LRRC75A: variants seen among roughly 807,000 people sequenced by gnomAD.
The protein encoded by LRRC75A is leucine rich repeat containing 75A.
LRRC75A carries 12 observed loss-of-function variants against 26.0 expected under a neutral mutation model. That is an observed-to-expected ratio of 0.46 (90% CI 0.30 to 0.75). The LOEUF is 0.75. Ranked by LOEUF, LRRC75A falls within the 30% of genes least tolerant of loss-of-function variation. The pLI is 0.08. For synonymous variants in LRRC75A, 223 were observed against 219.3 expected, an observed-to-expected ratio of 1.02 and a Z score of -0.15; for missense variants, 410 against 486.6, an observed-to-expected ratio of 0.84 and a Z score of 1.48.
At chr17:16,475,517 A>T (rs1419016414) in intron 1 of LRRC75A, among the ~76,000 whole-genome samples, 1 of 152,144 alleles carries the variant, frequency 6.6e-6, no homozygotes, top group Non-Finnish European at 1.5e-5. Context: ...CAACTGATTG[A>T]ATGAGGCTCA....
At chr17:16,444,219 C>A in intron 3 of LRRC75A, 88 bp from the exon 4 acceptor site, 1 of 1,129,378 alleles carries the variant, frequency 8.9e-7, no homozygotes, top group Non-Finnish European at 1.2e-6. Flanking sequence ...CTCGGCTCTC[C>A]GACGCTAGGG....
At chr17:16,486,933 G>A (rs918428315) in intron 1 of LRRC75A, among the ~76,000 whole-genome samples, 10 of 152,310 alleles carry the variant, frequency 6.6e-5, no homozygotes, top group African/African-American at 2.2e-4. Flanking sequence ...ACACGCGTAC[G>A]CACATCTTCA....
chr17:16,462,135 G>C lies in LRRC75A; in HGVS notation c.375+123C>G. 2 of 1,276,816 alleles carry C rather than the reference G, an allele frequency of 1.6e-6. No individual in the cohort carries two copies. The highest frequency in any genetic ancestry group is 2.1e-6 in the Non-Finnish European group (2 of 933,070). The allele number at this position is 1,276,816 out of a possible 1,614,324, so 79.1% of individuals were successfully genotyped here. A position where few individuals can be genotyped will look rare whatever the true frequency, so the allele number is the denominator to read the frequency against. ...GAGCACCTCAAGCTCTTGGTGCCTG[G>C]AGGACGGGCTTGTCCTCCTTGGGCC... On this transcript the variant is annotated intron_variant, in intron 2 of 3. Transcript: ENST00000470794. The surrounding 1 kb of genome is among the most constrained non-coding windows in gnomAD (Gnocchi z 4.6).
intron 2 of LRRC75A, chr17:16,448,370 A>C (rs2093604076): frequency 8.5e-6 from 2 of 235,712 alleles, no homozygotes; most frequent in African/African-American, 4.6e-5. Context: ...TGTTCTAGGA[A>C]GCTAGGATAT....
intron 2 of LRRC75A, among the ~76,000 whole-genome samples, chr17:16,452,681 G>A (rs925931524): frequency 2.0e-5 from 3 of 152,008 alleles, no homozygotes; most frequent in East Asian, 2.0e-4. Context: ...TGATCTGCCC[G>A]CCTCAGCCTC....
At position 16,443,288 on chromosome 17, in the gene LRRC75A, C is replaced by T. The variant is rs2093549867; in HGVS notation, c.*300G>A. ...GGCTTACAGTACCTCCAGCCATGTG[C>T]CCATTTCCACAAGTCTTTGGGGAAG... On this transcript the variant is annotated 3_prime_UTR_variant, in exon 4 of 4. Coordinates refer to ENST00000470794, the MANE Select transcript of LRRC75A (RefSeq NM_001113567.3). The T allele has an allele frequency of 5.2e-6, 2 of 386,898 alleles. No homozygotes were observed. The highest frequency in any genetic ancestry group is 4.6e-6 in the Non-Finnish European group (1 of 215,112). The allele number at this position is 386,898 out of a possible 1,614,324, so 24.0% of individuals were successfully genotyped here.
At chr17:16,461,864 C>T (rs767754508) in intron 2 of LRRC75A, among the ~76,000 whole-genome samples, 24 of 152,076 alleles carry the variant, frequency 1.6e-4, no homozygotes, top group Non-Finnish European at 3.2e-4. Context: ...CACTACCCCT[C>T]TGTACGCATG....
intron 1 of LRRC75A, among the ~76,000 whole-genome samples, chr17:16,490,206 C>T (rs1220386732): frequency 6.6e-6 from 1 of 152,188 alleles, no homozygotes; most frequent in Non-Finnish European, 1.5e-5. Flanking sequence ...TTCTGTATCC[C>T]CCAAAGCACC....
chr17:16,442,402 G>A lies in LRRC75A; in HGVS notation c.*1186C>T, dbSNP rs879382991. The A allele has an allele frequency of 5.9e-5, 9 of 152,324 alleles. No homozygotes were observed. Among genetic ancestry groups the A allele is most frequent in the Non-Finnish European group, 1.0e-4 (7 of 68,102 alleles). 9.4% of individuals were successfully genotyped at this position (152,324 alleles called of 1,614,324 possible). ...TACTGTTTGCCCACAAGGTTCAAGA[G>A]TGATTGGCTCCCAGTCTTCCTGGAC... is the stretch of plus-strand genomic sequence containing the variant. On this transcript the variant is annotated 3_prime_UTR_variant, in exon 4 of 4. Coordinates refer to ENST00000470794, the MANE Select transcript of LRRC75A (RefSeq NM_001113567.3).
At chr17:16,480,635 A>C (rs2093831537) in intron 1 of LRRC75A, among the ~76,000 whole-genome samples, 2 of 151,200 alleles carry the variant, frequency 1.3e-5, no homozygotes, top group Admixed American at 6.6e-5. Context: ...GTCTCAAAAA[A>C]AAAAAAACAA....
chr17:16,455,566 A>G (rs918253493), intron 2 of LRRC75A, among the ~76,000 whole-genome samples: 1 of 151,962 alleles, frequency 6.6e-6, no homozygotes, highest in Non-Finnish European at 1.5e-5. Flanking sequence ...TATTTCTATT[A>G]GAGACGGGGT....
chr17:16,455,655 A>G (rs2093671482), intron 2 of LRRC75A, among the ~76,000 whole-genome samples: 1 of 152,064 alleles, frequency 6.6e-6, no homozygotes, highest in African/African-American at 2.4e-5. Flanking sequence ...GTGCCCTACA[A>G]ACTATAGTCC....
At chr17:16,489,759 C>T (rs1642425167) in intron 1 of LRRC75A, among the ~76,000 whole-genome samples, 1 of 152,196 alleles carries the variant, frequency 6.6e-6, no homozygotes, top group African/African-American at 2.4e-5. Flanking sequence ...GCCCACGGCC[C>T]TTGCATCCCC....
Position 16,466,478 on chromosome 17 carries a change from G to A in LRRC75A, c.247-4092C>T, listed in dbSNP as rs907461659. 7.9e-5 allele frequency among the ~76,000 whole-genome samples: 12 copies of A among 152,220 alleles called. 1 individual carries two copies. The highest frequency in any genetic ancestry group is 2.9e-4 in the African/African-American group (12 of 41,448). On this transcript the variant is annotated intron_variant, in intron 1 of 3. Coordinates refer to ENST00000470794, the MANE Select transcript of LRRC75A (RefSeq NM_001113567.3). ...TGGAGGGGCTGGTTTGTCTTAAAAA[G>A]CACAAGGCATTGAGGACAATCCCAT...
intron 1 of LRRC75A, among the ~76,000 whole-genome samples, chr17:16,484,533 A>G (rs2093841969): frequency 6.6e-6 from 1 of 152,072 alleles, no homozygotes; most frequent in South Asian, 2.1e-4. Context: ...CTTGACCGCC[A>G]CCAACCACTT....
intron 1 of LRRC75A, among the ~76,000 whole-genome samples, chr17:16,482,976 G>A (rs115504804): frequency 0.024 from 3,634 of 152,340 alleles, 153 homozygotes; most frequent in African/African-American, 0.082. Context: ...CAGGACAGAG[G>A]CTGGAGTGGG....
At chr17:16,469,808 T>A (rs2093796668) in intron 1 of LRRC75A, among the ~76,000 whole-genome samples, 1 of 152,194 alleles carries the variant, frequency 6.6e-6, no homozygotes, top group South Asian at 2.1e-4. Flanking sequence ...TCTTCCCGCC[T>A]TGGGAGTTGC....
rs1157686173 is a variant in LRRC75A, at chr17:16,491,453, C to T, written c.246+292G>A. Among the ~76,000 whole-genome samples the T allele has an allele frequency of 1.3e-5, 2 of 152,212 alleles. No homozygotes were observed. The highest frequency in any genetic ancestry group is 4.8e-5 in the African/African-American group (2 of 41,468). ...TGCTTCCCCGCCCACCGACTGTCCC[C>T]GGAGACCAGCCTCCTTCTCTGCCTG... On this transcript the variant is annotated intron_variant, in intron 1 of 3. Coordinates refer to ENST00000470794, the MANE Select transcript of LRRC75A (RefSeq NM_001113567.3). This position sits in a 1 kb window ranked among gnomAD's most constrained non-coding sequence, Gnocchi z 5.9.
At chr17:16,475,393 A>G (rs1480568348) in intron 1 of LRRC75A, among the ~76,000 whole-genome samples, 1 of 152,172 alleles carries the variant, frequency 6.6e-6, no homozygotes, top group African/African-American at 2.4e-5. Context: ...CGAGTCTGAA[A>G]TCTGCAGGGC....
Sources: gnomAD v4.1 joint callset for allele counts (sites outside exome capture counted in the v4.1 genomes callset) on GRCh38, gnomAD v4.1.1 for gene constraint, Gnocchi (gnomAD v3.1) non-coding constraint, MANE v1.5 for transcripts, NCBI Gene and HGNC (gene_info 2026-07-23, HGNC 2026-07-21) for gene names.